The following SLC1A3 variants were observed in gnomAD, a reference collection of about 807,000 sequenced individuals.
SLC1A3 encodes excitatory amino acid transporter 1.
Under a neutral mutation model 48.1 loss-of-function variants are expected in SLC1A3, and 21 were observed. That is an observed-to-expected ratio of 0.44 (90% CI 0.31 to 0.63). The LOEUF is 0.63. Ranked by LOEUF, SLC1A3 falls within the 20% of genes least tolerant of loss-of-function variation. SLC1A3 has a pLI of 0.08. For missense variants in SLC1A3, 546 were observed against 689.0 expected (o/e 0.79, Z 2.32); for synonymous variants, 239 against 251.4 (o/e 0.95, Z 0.47).
chr5:36,650,693 A>G (rs1741024703), intron 3 of SLC1A3, among the ~76,000 whole-genome samples: 1 of 152,222 alleles, frequency 6.6e-6, no homozygotes, highest in African/African-American at 2.4e-5. Context: ...CATGAGAGAT[A>G]GATATAAGCA....
Position 36,612,096 on chromosome 5 carries a change from C to T in SLC1A3, c.181+3492C>T, listed in dbSNP as rs60565973. Reference sequence around the variant, plus strand: ...ACACACACACACACGCACACACACACACACAGAGTTTGCATTTGAGTTCTC... The same window carrying T: ...ACACACACACACACGCACACACACATACACAGAGTTTGCATTTGAGTTCTC... On this transcript the variant is annotated intron_variant, in intron 2 of 9. Transcript: ENST00000265113. Among the ~76,000 whole-genome samples, 7 of 152,028 alleles carry T rather than the reference C, an allele frequency of 4.6e-5. No individual in the cohort carries two copies. In the East Asian group the frequency reaches 1.4e-3, roughly 29 times the overall value.
At chr5:36,612,207 ACACT>A (rs1301623322) in intron 2 of SLC1A3, among the ~76,000 whole-genome samples, 12 of 152,248 alleles carry the variant, frequency 7.9e-5, no homozygotes, top group East Asian at 3.9e-4. Flanking sequence ...ACATACACAC[ACACT>A]CACAGAGTTT....
chr5:36,652,000 A>G (rs1003674395), intron 3 of SLC1A3, among the ~76,000 whole-genome samples: 3 of 152,188 alleles, frequency 2.0e-5, no homozygotes, highest in Non-Finnish European at 4.4e-5. Context: ...CTCTTGACTC[A>G]GGGAAATATT....
intron 3 of SLC1A3, chr5:36,636,077 G>GTGTGTGTGTGTGT (rs1159956666): frequency 1.3e-5 from 2 of 152,310 alleles, no homozygotes; most frequent in Non-Finnish European, 2.9e-5. Flanking sequence ...GTGTGTGTGT[G>GTGTGTGTGTGTGT]TATTTAGGTT....
intron 3 of SLC1A3, among the ~76,000 whole-genome samples, chr5:36,654,464 T>C (rs1706762024): frequency 6.6e-6 from 1 of 152,182 alleles, no homozygotes; most frequent in African/African-American, 2.4e-5. Flanking sequence ...CACACATTCA[T>C]GAAGCATTTT....
chr5:36,657,238 A>G (rs933568486), intron 3 of SLC1A3, among the ~76,000 whole-genome samples: 1 of 152,230 alleles, frequency 6.6e-6, no homozygotes, highest in African/African-American at 2.4e-5. Flanking sequence ...ACATCTTGTA[A>G]TAGCTTCATG....
chr5:36,661,233 G>A (rs932702660), intron 3 of SLC1A3, among the ~76,000 whole-genome samples: 21 of 152,150 alleles, frequency 1.4e-4, no homozygotes, highest in African/African-American at 3.6e-4. Context: ...CCAACGTGGC[G>A]AAACCCCGTC....
intron 3 of SLC1A3, chr5:36,636,051 G>T (rs1180210751): frequency 6.6e-6 from 1 of 151,356 alleles, no homozygotes; most frequent in Non-Finnish European, 1.5e-5. Flanking sequence ...ATGTTTGTGT[G>T]TGTGTGTGTG....
intron 3 of SLC1A3, among the ~76,000 whole-genome samples, chr5:36,639,289 T>C (rs1329083827): frequency 6.6e-6 from 1 of 152,214 alleles, no homozygotes; most frequent in East Asian, 1.9e-4. Flanking sequence ...TGCAAGTTAA[T>C]ACACATTAAA....
intron 9 of SLC1A3, among the ~76,000 whole-genome samples, chr5:36,684,378 G>T (rs1214869526): frequency 6.6e-6 from 1 of 152,244 alleles, no homozygotes; most frequent in African/African-American, 2.4e-5. Context: ...CTTAGGCCCT[G>T]CCTCTGTGTG....
chr5:36,621,459 G>A (rs1185085524), intron 2 of SLC1A3, among the ~76,000 whole-genome samples: 5 of 152,096 alleles, frequency 3.3e-5, no homozygotes, highest in Non-Finnish European at 5.9e-5. Context: ...GAGAGGAGGA[G>A]TCAGTGGAGG....
chr5:36,684,111 C>G, intron 9 of SLC1A3, 113 bp downstream of exon 9: 1 of 1,333,752 alleles, frequency 7.5e-7, no homozygotes, highest in Non-Finnish European at 1.1e-6. Flanking sequence ...AGAGGGGCCT[C>G]TCGGCCCATA....
Position 36,608,306 on chromosome 5 carries a change from T to A in SLC1A3, c.-95-23T>A, listed in dbSNP as rs547219367. ...TCTCACCCCTGGAGGCTATAACTCA[T>A]GTCTCTTTTTCTCCCATTCTAGTTG... On this transcript the variant is annotated intron_variant, in intron 1 of 9. Coordinates refer to ENST00000265113, the MANE Select transcript of SLC1A3 (RefSeq NM_004172.5). 147 of 902,666 alleles carry A rather than the reference T, an allele frequency of 1.6e-4. 1 individual carries two copies. The African/African-American group carries it at 2.1e-3, about 13-fold the overall frequency. 55.9% of individuals were successfully genotyped at this position (902,666 alleles called of 1,614,324 possible).
At chr5:36,618,445 TCC>T (rs1337001205) in intron 2 of SLC1A3, among the ~76,000 whole-genome samples, 6 of 152,276 alleles carry the variant, frequency 3.9e-5, no homozygotes, top group African/African-American at 7.2e-5. Flanking sequence ...ATCACCCCGC[TCC>T]CAGGCCAGCC....
chr5:36,628,873 T>C (rs1031344038), intron 2 of SLC1A3, among the ~76,000 whole-genome samples: 7 of 152,112 alleles, frequency 4.6e-5, no homozygotes, highest in East Asian at 1.9e-4. Context: ...GTCTGTACAA[T>C]ACAGTTACCA....
upstream of SLC1A3, chr5:36,606,308 G>C (rs1014429415): frequency 6.6e-6 from 1 of 152,256 alleles, no homozygotes; most frequent in Admixed American, 6.5e-5. Flanking sequence ...CCTTAGAAAA[G>C]TCTTTGAAAC....
chr5:36,685,794 T>C (rs1346349830), intron 9 of SLC1A3, among the ~76,000 whole-genome samples: 2 of 152,240 alleles, frequency 1.3e-5, no homozygotes, highest in Non-Finnish European at 2.9e-5. Flanking sequence ...TTAGTATTAT[T>C]ATGAGAATGG....
At chr5:36,652,696 C>T (rs1741132898) in intron 3 of SLC1A3, among the ~76,000 whole-genome samples, 1 of 152,200 alleles carries the variant, frequency 6.6e-6, no homozygotes, top group Non-Finnish European at 1.5e-5. Context: ...ATTACTAACA[C>T]TGCTGTCTCA....
At chr5:36,611,346 G>GT (rs34107449) in intron 2 of SLC1A3, among the ~76,000 whole-genome samples, 49,999 of 135,030 alleles carry the variant, frequency 0.37, 8,893 homozygotes, top group South Asian at 0.52. Context: ...TGTTTAGACT[G>GT]TTTTTTTTTT....
Sources: allele counts gnomAD v4.1 joint callset (sites outside exome capture counted in the v4.1 genomes callset), GRCh38; gene constraint gnomAD v4.1.1; transcripts MANE v1.5; gene names NCBI Gene and HGNC (gene_info 2026-07-23, HGNC 2026-07-21).